Variants in RAP1A observed in about 807,000 individuals in gnomAD.
RAP1A encodes the protein ras-related protein Rap-1A.
RAP1A carries 6 observed loss-of-function variants against 26.4 expected under a neutral mutation model. That is an observed-to-expected ratio of 0.23 (90% CI 0.12 to 0.45). RAP1A has a LOEUF of 0.45. Among genes scored for constraint, RAP1A ranks in the 20% least tolerant of loss-of-function variants. The pLI, the probability that RAP1A is intolerant of heterozygous loss-of-function variation, is 0.99. For synonymous variants in RAP1A, 73 were observed against 79.4 expected, an observed-to-expected ratio of 0.92 and a Z score of 0.43; for missense variants, 121 against 217.2, an observed-to-expected ratio of 0.56 and a Z score of 2.78.
chr1:111,563,889 C>G, intron 1 of RAP1A: 1 of 1,613,794 alleles, frequency 6.2e-7, no homozygotes, highest in African/African-American at 1.3e-5. Flanking sequence ...TCTGGCTGCT[C>G]TTCCCAGGAG....
chr1:111,556,114 C>A (rs867012546), intron 1 of RAP1A, among the ~76,000 whole-genome samples: 1 of 152,094 alleles, frequency 6.6e-6, no homozygotes, highest in African/African-American at 2.4e-5. Context: ...CAAAGGACTT[C>A]AGTAAACGTT....
chr1:111,669,988 C>T (rs2101179654), intron 1 of RAP1A, among the ~76,000 whole-genome samples: 1 of 152,296 alleles, frequency 6.6e-6, no homozygotes, highest in East Asian at 1.9e-4. Flanking sequence ...ATAGTAACTA[C>T]AGTGTACTCA....
At chr1:111,632,933 A>G (rs1290845835) in intron 1 of RAP1A, among the ~76,000 whole-genome samples, 1 of 151,380 alleles carries the variant, frequency 6.6e-6, no homozygotes, top group Non-Finnish European at 1.5e-5. Context: ...AAAAAAAAAA[A>G]AAAAAAAAAA....
intron 4 of RAP1A, among the ~76,000 whole-genome samples, chr1:111,698,499 C>T (rs892518701): frequency 6.6e-6 from 1 of 152,068 alleles, no homozygotes; most frequent in Non-Finnish European, 1.5e-5. Flanking sequence ...GAACTCCTGA[C>T]CTCAAGTGTT....
intron 1 of RAP1A, among the ~76,000 whole-genome samples, chr1:111,549,649 CAA>C (rs370585012): frequency 4.4e-4 from 42 of 94,386 alleles, no homozygotes; most frequent in South Asian, 7.1e-4. Context: ...GACTCTGTTT[CAA>C]AAAAAAAAAA....
intron 6 of RAP1A, chr1:111,706,731 T>G (rs148672336): frequency 1.0e-6 from 1 of 985,484 alleles, no homozygotes; most frequent in East Asian, 1.1e-4. Flanking sequence ...TAACCAAATA[T>G]TATAGTTCGA....
chr1:111,679,554 A>G (rs1366340579), intron 1 of RAP1A, among the ~76,000 whole-genome samples: 1 of 151,860 alleles, frequency 6.6e-6, no homozygotes, highest in African/African-American at 2.4e-5. Context: ...GAACCCCAGC[A>G]ACACAGAACT....
At chr1:111,699,402 A>C (rs895640138) in intron 4 of RAP1A, among the ~76,000 whole-genome samples, 2 of 151,326 alleles carry the variant, frequency 1.3e-5, no homozygotes, top group South Asian at 2.1e-4. Flanking sequence ...TCTCTAATCT[A>C]ATTTCCAAGC....
chr1:111,596,234 A>G (rs1658561898), intron 1 of RAP1A, among the ~76,000 whole-genome samples: 1 of 152,170 alleles, frequency 6.6e-6, no homozygotes, highest in African/African-American at 2.4e-5. Flanking sequence ...ATCCCTTTAA[A>G]AAAAAAATGA....
chr1:111,579,641 G>A (rs548091701), intron 1 of RAP1A, among the ~76,000 whole-genome samples: 1 of 152,074 alleles, frequency 6.6e-6, no homozygotes, highest in Non-Finnish European at 1.5e-5. Context: ...TATCAACTAA[G>A]TCAAAAATGT....
At chr1:111,559,522 A>G (rs1204514800) in intron 1 of RAP1A, among the ~76,000 whole-genome samples, 1 of 151,994 alleles carries the variant, frequency 6.6e-6, no homozygotes, top group African/African-American at 2.4e-5. Context: ...TAGGTAAATC[A>G]TTTTTTCTCA....
At chr1:111,697,318 C>T (rs1023580460) in intron 3 of RAP1A, 123 bp from the exon 4 acceptor site, 28 of 1,545,472 alleles carry the variant, frequency 1.8e-5, no homozygotes, top group Admixed American at 3.9e-5. Context: ...CCAGCCATTA[C>T]AGCATACTGC....
chr1:111,550,979 G>A (rs149743891), intron 1 of RAP1A, among the ~76,000 whole-genome samples: 1 of 151,394 alleles, frequency 6.6e-6, no homozygotes, highest in East Asian at 1.9e-4. Flanking sequence ...ATTATAAAAT[G>A]TTCTTCTTTG....
intron 1 of RAP1A, among the ~76,000 whole-genome samples, chr1:111,675,809 A>G (rs374556880): frequency 6.6e-6 from 1 of 152,248 alleles, no homozygotes; most frequent in African/African-American, 2.4e-5. Flanking sequence ...GGCAAAAGAA[A>G]GAGATTTAAT....
At chr1:111,688,508 C>T (rs1476489536) in intron 1 of RAP1A, among the ~76,000 whole-genome samples, 1 of 151,454 alleles carries the variant, frequency 6.6e-6, no homozygotes, top group African/African-American at 2.4e-5. Flanking sequence ...TTAGTAGAGA[C>T]GGGGTTTCGC....
intron 1 of RAP1A, among the ~76,000 whole-genome samples, chr1:111,627,976 G>T (rs906554658): frequency 5.9e-5 from 9 of 152,148 alleles, no homozygotes; most frequent in Middle Eastern, 3.4e-3. Context: ...AGTAGCTCTG[G>T]AGTTGGGCAG....
intron 1 of RAP1A, among the ~76,000 whole-genome samples, chr1:111,679,272 C>T (rs574752577): frequency 7.2e-5 from 11 of 152,188 alleles, no homozygotes; most frequent in South Asian, 6.2e-4. Context: ...TCGCCTCATC[C>T]GGGAAGTGCA....
intron 1 of RAP1A, among the ~76,000 whole-genome samples, chr1:111,597,063 G>C (rs1438097309): frequency 6.6e-6 from 1 of 152,194 alleles, no homozygotes; most frequent in African/African-American, 2.4e-5. Flanking sequence ...TCCTCAAGAT[G>C]TGTGGTCTGA....
rs12031845 is a variant in RAP1A, at chr1:111,573,489, A to C, written c.-28+30980A>C. Among the ~76,000 whole-genome samples the C allele has an allele frequency of 5.5e-4, 83 of 152,148 alleles. No individual in the cohort carries two copies. The East Asian group carries it at 0.014, about 26-fold the overall frequency. On this transcript the variant is annotated intron_variant, in intron 1 of 7. Transcript: ENST00000356415. ...AGCTGGGACTACAGGGATGCGCCAC[A>C]ATGCCTGGCTAATTTTTGTAGTTTT...
Sources: allele counts gnomAD v4.1 joint callset (sites outside exome capture counted in the v4.1 genomes callset), GRCh38; gene constraint gnomAD v4.1.1; transcripts MANE v1.5; gene names NCBI Gene and HGNC (gene_info 2026-07-23, HGNC 2026-07-21).